The following KIF13B variants were observed in gnomAD, a reference collection of about 807,000 sequenced individuals.
The protein encoded by KIF13B is kinesin family member 13B.
In KIF13B, 127 loss-of-function variants were observed where a neutral mutation model predicts 222.0. The ratio of observed to expected loss-of-function variants is 0.57; its 90% CI spans 0.50 to 0.66. KIF13B has a LOEUF of 0.66. Ranked by LOEUF, KIF13B falls within the 30% of genes least tolerant of loss-of-function variation. The probability of loss-of-function intolerance (pLI) is 0.00; values close to 1 mark genes in which losing one functional copy is unlikely to be tolerated. For missense variants in KIF13B, 2,173 were observed against 2,379.0 expected (o/e 0.91, Z 1.80); for synonymous variants, 976 against 919.0 (o/e 1.06, Z -1.12).
In KIF13B at chr8:29,070,645, T is replaced by G; in HGVS notation, c.5340A>C (p.Gly1780=). The G allele has an allele frequency of 2.6e-6, 4 of 1,566,396 alleles. No individual in the cohort carries two copies. The highest frequency in any genetic ancestry group is 3.5e-6 in the Non-Finnish European group (4 of 1,155,668). ...ATGPVRRRST[G]LRLGAPEARR... Reference sequence around the variant, plus strand: ...GGGCCTCGGGGGCACCCAGCCGGAGTCCTGTGCTGCGCCGCCGCACAGGGC... The same window carrying G: ...GGGCCTCGGGGGCACCCAGCCGGAGGCCTGTGCTGCGCCGCCGCACAGGGC... Residue 1780 remains glycine (G), a synonymous_variant, in exon 40 of 40, where the codon GGA becomes GGC. Coordinates refer to ENST00000524189, the MANE Select transcript of KIF13B (RefSeq NM_015254.4). This position sits in a 1 kb window ranked among gnomAD's most constrained non-coding sequence, Gnocchi z 4.1.
At position 29,101,783 on chromosome 8, in the gene KIF13B, C is replaced by T. The variant is rs546203739; in HGVS notation, c.4216-2542G>A. Among the ~76,000 whole-genome samples, 16 of 152,276 alleles carry T rather than the reference C, an allele frequency of 1.1e-4. No individual in the cohort carries two copies. In the South Asian group the frequency reaches 2.1e-3, roughly 20 times the overall value. ...GTCCTGAGACAGGGACCTCAAATCGCGCTGGGATGGAACAGGCTCTGCTTC... is the reference window on the plus strand; with the variant it reads ...GTCCTGAGACAGGGACCTCAAATCGTGCTGGGATGGAACAGGCTCTGCTTC... On this transcript the variant is annotated intron_variant, in intron 35 of 39. Coordinates refer to ENST00000524189, the MANE Select transcript of KIF13B (RefSeq NM_015254.4).
chr8:29,174,531 TA>T (rs1483591453), intron 10 of KIF13B, among the ~76,000 whole-genome samples: 2 of 152,220 alleles, frequency 1.3e-5, no homozygotes, highest in Non-Finnish European at 2.9e-5. Context: ...TGTTCTATTT[TA>T]AAAGACAAGG....
At chr8:29,222,609 C>A (rs1563802546) in intron 2 of KIF13B, among the ~76,000 whole-genome samples, 1 of 121,340 alleles carries the variant, frequency 8.2e-6, no homozygotes, top group Non-Finnish European at 1.6e-5. Flanking sequence ...TATTTTTAAT[C>A]ATCTTTCAGC....
Position 29,086,294 on chromosome 8 carries a change from C to A in KIF13B, c.4458+6451G>T, listed in dbSNP as rs1019617829. On this transcript the variant is annotated intron_variant, in intron 37 of 39. Transcript: ENST00000524189. ...AACTGTTCAGAGAAGTTTTAAGTCT[C>A]CAAGCTAAACTGGAATAAAAACATA... Among the ~76,000 whole-genome samples, 7 of 152,112 alleles carry A rather than the reference C, an allele frequency of 4.6e-5. 1 individual carries two copies. In the South Asian group the frequency reaches 1.2e-3, roughly 27 times the overall value.
Position 29,083,188 on chromosome 8 carries a change from G to C in KIF13B, c.4459-7845C>G, listed in dbSNP as rs557587495. On this transcript the variant is annotated intron_variant, in intron 37 of 39. Transcript: ENST00000524189. ...TAATATGCGCTAAGAAATAAGAAAT[G>C]GCTTTTACATTCTTAATGACTGAAA... Among the ~76,000 whole-genome samples, 7 of 151,898 alleles carry C rather than the reference G, an allele frequency of 4.6e-5. No homozygotes were observed. In the East Asian group the frequency reaches 1.4e-3, roughly 29 times the overall value.
chr8:29,191,124 G>T, intron 3 of KIF13B, 67 bp from the exon 4 acceptor site: 2 of 1,203,376 alleles, frequency 1.7e-6, no homozygotes, highest in South Asian at 1.4e-5. Context: ...ATAACTGATA[G>T]AACTGTTCAT....
At chr8:29,122,698 A>T in intron 28 of KIF13B, 52 bp from the exon 29 acceptor site, 3 of 1,441,338 alleles carry the variant, frequency 2.1e-6, no homozygotes, top group Non-Finnish European at 2.9e-6. Flanking sequence ...TCTCAGTGGC[A>T]TGCACGTAGG....
chr8:29,215,716 T>C lies in KIF13B; in HGVS notation c.150-19517A>G, dbSNP rs368265388. On this transcript the variant is annotated intron_variant, in intron 2 of 39. Coordinates refer to ENST00000524189, the MANE Select transcript of KIF13B (RefSeq NM_015254.4). ...AATAAGAGTATGCCTTCCAAGTTTA[T>C]GGTATTTGTCAACTAAGCTAAAGAT... 1.6e-3 allele frequency among the ~76,000 whole-genome samples: 238 copies of C among 152,342 alleles called. 1 individual carries two copies. The highest frequency in any genetic ancestry group is 5.5e-3 in the African/African-American group (228 of 41,572).
At chr8:29,140,443 A>T in intron 20 of KIF13B, 25 bp downstream of exon 20, 1 of 1,607,224 alleles carries the variant, frequency 6.2e-7, no homozygotes, top group Non-Finnish European at 8.5e-7. Context: ...CTCTACAGGA[A>T]ACAAGGCATG....
At chr8:29,167,038 A>G (rs1812033285) in intron 11 of KIF13B, among the ~76,000 whole-genome samples, 1 of 152,216 alleles carries the variant, frequency 6.6e-6, no homozygotes, top group African/African-American at 2.4e-5. Flanking sequence ...TTTTCTGCAC[A>G]AAAATTAAAA....
At chr8:29,102,234 G>A (rs1038283788) in intron 35 of KIF13B, among the ~76,000 whole-genome samples, 1 of 152,146 alleles carries the variant, frequency 6.6e-6, no homozygotes, top group Non-Finnish European at 1.5e-5. Context: ...GAAAGAGTAT[G>A]ATATCCCTGT....
chr8:29,208,472 G>GT (rs946742988), intron 2 of KIF13B, among the ~76,000 whole-genome samples: 6 of 152,112 alleles, frequency 3.9e-5, no homozygotes, highest in Non-Finnish European at 7.4e-5. Flanking sequence ...CCATGCTACT[G>GT]TTTTTTTGGT....
Position 29,080,234 on chromosome 8 carries a change from A to C in KIF13B, c.4459-4891T>G, listed in dbSNP as rs965463252. Among the ~76,000 whole-genome samples, 4 of 145,968 alleles carry C rather than the reference A, an allele frequency of 2.7e-5. No homozygotes were observed. The Admixed American group carries it at 2.8e-4, about 10-fold the overall frequency. On this transcript the variant is annotated intron_variant, in intron 37 of 39. Transcript: ENST00000524189. The stretch of plus-strand genomic sequence containing the variant: ...ACACCTATAGTCCGAACTACTTGGG[A>C]GCTGAGAATTGCTTGAGCCCAGAAG...
At chr8:29,169,637 G>A (rs1035174569) in intron 10 of KIF13B, among the ~76,000 whole-genome samples, 1 of 152,276 alleles carries the variant, frequency 6.6e-6, no homozygotes, top group Admixed American at 6.5e-5. Context: ...GACATGGGAA[G>A]AACTATAACT....
At chr8:29,109,136 C>T (rs1809234694) in intron 34 of KIF13B, among the ~76,000 whole-genome samples, 1 of 152,170 alleles carries the variant, frequency 6.6e-6, no homozygotes. Flanking sequence ...AGGCCCGTGG[C>T]TAGTTTGGGT....
At chr8:29,202,763 A>G (rs1479027388) in intron 2 of KIF13B, among the ~76,000 whole-genome samples, 1 of 152,152 alleles carries the variant, frequency 6.6e-6, no homozygotes, top group Non-Finnish European at 1.5e-5. Context: ...CACTGACAAT[A>G]AGAAAAGGAG....
chr8:29,227,000 T>C (rs780248815), intron 2 of KIF13B, among the ~76,000 whole-genome samples: 3 of 152,198 alleles, frequency 2.0e-5, no homozygotes, highest in Non-Finnish European at 4.4e-5. Context: ...AGACAGGCCA[T>C]TAATTGGAAG....
chr8:29,116,915 C>T lies in KIF13B; in HGVS notation c.3753G>A (p.Val1251=), dbSNP rs1278895157. ...GGTGGCTGAGCTGGACCGTCACGCG[C>T]ACGATCAGGAACAACCGCTCGTCCA... The part of the protein sequence containing the change: ...TPVDERLFLI[V]RVTVQLSHPA... The change falls in exon 31 of 40, where the codon GTG becomes GTA. Residue 1251 remains valine, a synonymous_variant. Coordinates refer to ENST00000524189, the MANE Select transcript of KIF13B (RefSeq NM_015254.4). 1 of 1,613,624 alleles carries T rather than the reference C, an allele frequency of 6.2e-7. No homozygotes were observed. The highest frequency in any genetic ancestry group is 8.5e-7 in the Non-Finnish European group (1 of 1,179,712).
intron 2 of KIF13B, among the ~76,000 whole-genome samples, chr8:29,224,123 C>G (rs1269373976): frequency 6.6e-6 from 1 of 151,618 alleles, no homozygotes; most frequent in Non-Finnish European, 1.5e-5. Context: ...TCCCGAGTAG[C>G]TGGGACTACA....
Sources: allele counts gnomAD v4.1 joint callset (sites outside exome capture counted in the v4.1 genomes callset), GRCh38; gene constraint gnomAD v4.1.1; non-coding constraint Gnocchi (gnomAD v3.1); transcripts MANE v1.5; gene names NCBI Gene and HGNC (gene_info 2026-07-23, HGNC 2026-07-21).